The following DOCK3 variants were observed in gnomAD, a reference collection of about 807,000 sequenced individuals.
DOCK3 encodes dedicator of cytokinesis 3.
A neutral mutation model predicts 265.6 loss-of-function variants in DOCK3; 60 were observed. The observed-to-expected ratio is 0.23, with a 90% CI of 0.18 to 0.28. DOCK3 has a LOEUF of 0.28. DOCK3 is among the 10% of genes least tolerant of loss of function. The pLI is 1.00. For synonymous variants in DOCK3, 881 were observed against 938.0 expected (o/e 0.94, Z 1.11); for missense variants, 1,981 against 2,594.3 (o/e 0.76, Z 5.14).
intron 26 of DOCK3, among the ~76,000 whole-genome samples, chr3:51,278,925 T>C (rs1204978526): frequency 1.3e-5 from 2 of 152,152 alleles, no homozygotes; most frequent in Non-Finnish European, 2.9e-5. Context: ...ATGAGGTTCA[T>C]GAACATATAT....
intron 13 of DOCK3, among the ~76,000 whole-genome samples, chr3:51,211,605 T>C (rs560808592): frequency 2.1e-5 from 1 of 47,784 alleles, no homozygotes; most frequent in African/African-American, 1.1e-4. Context: ...AGTGAGAACA[T>C]GCAGTGTTTG....
intron 1 of DOCK3, among the ~76,000 whole-genome samples, chr3:50,716,871 A>T (rs1194825656): frequency 6.6e-6 from 1 of 152,072 alleles, no homozygotes; most frequent in Non-Finnish European, 1.5e-5. Context: ...TCCCTTGCCC[A>T]TTCAGTTCTC....
chr3:51,041,556 A>G (rs982374706), intron 5 of DOCK3, among the ~76,000 whole-genome samples: 1 of 152,026 alleles, frequency 6.6e-6, no homozygotes, highest in Non-Finnish European at 1.5e-5. Context: ...GAAAGTGGAA[A>G]TTACTCCCTG....
intron 1 of DOCK3, among the ~76,000 whole-genome samples, chr3:50,686,927 A>AAG (rs1315486644): frequency 6.9e-6 from 1 of 144,900 alleles, no homozygotes; most frequent in Admixed American, 7.0e-5. Flanking sequence ...AAAAAAAAAA[A>AAG]TGCCGGGCAC....
intron 27 of DOCK3, among the ~76,000 whole-genome samples, chr3:51,296,410 A>G (rs1172582454): frequency 1.3e-5 from 2 of 152,192 alleles, no homozygotes; most frequent in Non-Finnish European, 2.9e-5. Flanking sequence ...CAAGATTTGT[A>G]CTAACATAAA....
intron 1 of DOCK3, among the ~76,000 whole-genome samples, chr3:50,716,613 G>A (rs985958817): frequency 4.0e-5 from 6 of 150,328 alleles, no homozygotes; most frequent in African/African-American, 7.3e-5. Flanking sequence ...AGTAATTTTC[G>A]GTTTATGTTT....
At chr3:50,857,695 C>T (rs2046672282) in intron 3 of DOCK3, among the ~76,000 whole-genome samples, 1 of 152,190 alleles carries the variant, frequency 6.6e-6, no homozygotes, top group Non-Finnish European at 1.5e-5. Context: ...CATCACTGGT[C>T]ATCAGAGAAA....
chr3:50,675,541 C>T lies in DOCK3; in HGVS notation c.37+241C>T, dbSNP rs1260207554. On this transcript the variant is annotated intron_variant, in intron 1 of 52. Transcript: ENST00000266037. This position sits in a 1 kb window ranked among gnomAD's most constrained non-coding sequence, Gnocchi z 6.1. ...CGGTGCGGCCTTGGCAGGTGCGGCCCGCGGGAGGGGTGGGCAAGGCCCGGG... is the reference window on the plus strand; with the variant it reads ...CGGTGCGGCCTTGGCAGGTGCGGCCTGCGGGAGGGGTGGGCAAGGCCCGGG... Among the ~76,000 whole-genome samples the T allele has an allele frequency of 6.6e-6, 1 of 151,772 alleles. No homozygotes were observed.
chr3:51,136,600 T>G (rs1169622928), intron 9 of DOCK3, among the ~76,000 whole-genome samples: 1 of 152,152 alleles, frequency 6.6e-6, no homozygotes, highest in Non-Finnish European at 1.5e-5. Flanking sequence ...GTGGTTTATG[T>G]GTGTCTCTGT....
chr3:50,866,047 A>G (rs1447386806), intron 3 of DOCK3, among the ~76,000 whole-genome samples: 4 of 151,896 alleles, frequency 2.6e-5, no homozygotes, highest in Non-Finnish European at 4.4e-5. Flanking sequence ...TGTATATTCT[A>G]GTCATTAATA....
chr3:51,285,231 C>G (rs906638543), intron 27 of DOCK3, among the ~76,000 whole-genome samples: 1 of 151,898 alleles, frequency 6.6e-6, no homozygotes, highest in Non-Finnish European at 1.5e-5. Context: ...GCCAACCTGA[C>G]AAGATTGGGA....
At chr3:50,938,188 A>G (rs559644804) in intron 5 of DOCK3, among the ~76,000 whole-genome samples, 28 of 152,250 alleles carry the variant, frequency 1.8e-4, no homozygotes, top group African/African-American at 6.7e-4. Flanking sequence ...CTACCAGGGA[A>G]AAAGGGACAT....
At position 50,918,713 on chromosome 3, in the gene DOCK3, C is replaced by G. The variant is rs537046636; in HGVS notation, c.219-15268C>G. On this transcript the variant is annotated intron_variant, in intron 4 of 52. Transcript: ENST00000266037. Reference sequence around the variant, plus strand: ...AATTTTCTCCCATTCTGTAGATTGCCTGTTCACTCTGATGGTAGTTTCTTT... The same window carrying G: ...AATTTTCTCCCATTCTGTAGATTGCGTGTTCACTCTGATGGTAGTTTCTTT... Among the ~76,000 whole-genome samples, 11 of 152,226 alleles carry G rather than the reference C, an allele frequency of 7.2e-5. No homozygotes were observed. The South Asian group carries it at 1.5e-3, about 20-fold the overall frequency.
At chr3:51,076,079 T>C (rs1164113114) in intron 7 of DOCK3, among the ~76,000 whole-genome samples, 2 of 152,212 alleles carry the variant, frequency 1.3e-5, no homozygotes, top group Admixed American at 6.5e-5. Context: ...TTATAAGTTT[T>C]AGAGTCTGTT....
intron 27 of DOCK3, among the ~76,000 whole-genome samples, chr3:51,291,919 G>T (rs956431315): frequency 6.6e-6 from 1 of 152,062 alleles, no homozygotes; most frequent in Non-Finnish European, 1.5e-5. Context: ...GGGATTTATC[G>T]CTGGAATACA....
intron 6 of DOCK3, among the ~76,000 whole-genome samples, chr3:51,072,182 T>C (rs2081901560): frequency 1.3e-5 from 2 of 152,170 alleles, no homozygotes; most frequent in Non-Finnish European, 2.9e-5. Context: ...GGATACATGA[T>C]AGTTCCTCAA....
intron 1 of DOCK3, among the ~76,000 whole-genome samples, chr3:50,720,475 C>G (rs558571686): frequency 1.3e-5 from 2 of 152,290 alleles, no homozygotes; most frequent in African/African-American, 4.8e-5. Flanking sequence ...TGATCTCATT[C>G]TTTTTTATGG....
At chr3:51,267,448 G>A (rs1311771457) in intron 23 of DOCK3, among the ~76,000 whole-genome samples, 4 of 149,844 alleles carry the variant, frequency 2.7e-5, no homozygotes, top group Non-Finnish European at 5.9e-5. Context: ...GCAATGGAGC[G>A]ATCCCAGCTC....
chr3:51,155,542 C>T (rs971968410), intron 10 of DOCK3, among the ~76,000 whole-genome samples: 1 of 152,168 alleles, frequency 6.6e-6, no homozygotes, highest in African/African-American at 2.4e-5. Flanking sequence ...TTGATGCTGA[C>T]CTTTTAGCTT....
Sources: gnomAD v4.1 joint callset for allele counts (sites outside exome capture counted in the v4.1 genomes callset) on GRCh38, gnomAD v4.1.1 for gene constraint, Gnocchi (gnomAD v3.1) non-coding constraint, MANE v1.5 for transcripts, NCBI Gene and HGNC (gene_info 2026-07-23, HGNC 2026-07-21) for gene names.